SH3RF3: variants seen among roughly 807,000 people sequenced by gnomAD.
SH3RF3 encodes the protein SH3 domain containing ring finger 3, also known as E3 ubiquitin-protein ligase SH3RF3.
Under a neutral mutation model 66.3 loss-of-function variants are expected in SH3RF3, and 29 were observed. That is an observed-to-expected ratio of 0.44 (90% CI 0.33 to 0.60). The LOEUF (loss-of-function observed/expected upper bound fraction) is 0.60. Among genes scored for constraint, SH3RF3 ranks in the 20% least tolerant of loss-of-function variants. The probability of loss-of-function intolerance (pLI) is 0.04; values close to 1 mark genes in which losing one functional copy is unlikely to be tolerated. For missense variants in SH3RF3, 1,194 were observed against 1,190.9 expected (o/e 1.00, Z -0.04); for synonymous variants, 583 against 532.0 (o/e 1.10, Z -1.32).
intron 2 of SH3RF3, among the ~76,000 whole-genome samples, chr2:109,370,227 G>GTCTCTGTC (rs975009950): frequency 3.1e-5 from 3 of 96,642 alleles, no homozygotes; most frequent in African/African-American, 1.2e-4. Flanking sequence ...CTCTGTCTCT[G>GTCTCTGTC]TCTCTCTCTC....
intron 9 of SH3RF3, among the ~76,000 whole-genome samples, chr2:109,491,958 T>C (rs949216075): frequency 6.6e-6 from 1 of 152,178 alleles, no homozygotes; most frequent in African/African-American, 2.4e-5. Context: ...TCTATCTAGA[T>C]CAGAGGTCTA....
intron 2 of SH3RF3, among the ~76,000 whole-genome samples, chr2:109,369,724 C>T (rs1177358099): frequency 6.6e-6 from 1 of 152,132 alleles, no homozygotes; most frequent in Non-Finnish European, 1.5e-5. Flanking sequence ...TGTGTGATCC[C>T]ACATGGGCTG....
At position 109,502,566 on chromosome 2, in the gene SH3RF3, CTGGCGGGGTGGA is replaced by C. The variant is rs1679417776; in HGVS notation, c.*897_*908del. ...TCAGCGCTGGCCAGTACTCTGGGGG[CTGGCGGGGTGGA>C]TCCATTGAGGGGGTCGGAGGGAGCT... On this transcript the variant is annotated 3_prime_UTR_variant, in exon 10 of 10. Coordinates refer to ENST00000309415, the MANE Select transcript of SH3RF3 (RefSeq NM_001099289.3). The C allele has an allele frequency of 1.3e-5, 2 of 152,124 alleles. No individual in the cohort carries two copies. The highest frequency in any genetic ancestry group is 2.4e-5 in the African/African-American group (1 of 41,432). 9.4% of individuals were successfully genotyped at this position (152,124 alleles called of 1,614,324 possible).
At chr2:109,400,711 C>T (rs1676292037) in intron 4 of SH3RF3, among the ~76,000 whole-genome samples, 1 of 152,216 alleles carries the variant, frequency 6.6e-6, no homozygotes, top group African/African-American at 2.4e-5. Flanking sequence ...CATATGTGTG[C>T]ACACACACAA....
At chr2:109,449,616 G>C (rs1677809799) in intron 8 of SH3RF3, 127 bp downstream of exon 8, 5 of 1,221,100 alleles carry the variant, frequency 4.1e-6, no homozygotes, top group Admixed American at 2.7e-5. Context: ...CCTGCCCCTA[G>C]ATGAACCAGG....
rs113607731 is a variant in SH3RF3 at position 109,144,872 on chromosome 2, C to G, written c.573+14759C>G. On this transcript the variant is annotated intron_variant, in intron 1 of 9. Coordinates refer to ENST00000309415, the MANE Select transcript of SH3RF3 (RefSeq NM_001099289.3). Reference sequence around the variant, plus strand: ...CGGAAGGCATGGTGGGAATAGGCCTCGCTCAGCAAGCTTTGTTCCCAGAGC... The same window carrying G: ...CGGAAGGCATGGTGGGAATAGGCCTGGCTCAGCAAGCTTTGTTCCCAGAGC... Among the ~76,000 whole-genome samples, 1,446 of 152,362 alleles carry G rather than the reference C, an allele frequency of 9.5e-3. 14 individuals carry two copies. Among genetic ancestry groups the G allele is most frequent in the Non-Finnish European group, 0.014 (945 of 68,032 alleles).
intron 3 of SH3RF3, among the ~76,000 whole-genome samples, chr2:109,375,487 T>C (rs1683361095): frequency 6.6e-6 from 1 of 152,204 alleles, no homozygotes; most frequent in Non-Finnish European, 1.5e-5. Flanking sequence ...AACTCTAGTC[T>C]AGCGGATGGG....
intron 1 of SH3RF3, among the ~76,000 whole-genome samples, chr2:109,310,695 C>A (rs1681704607): frequency 1.5e-5 from 1 of 64,528 alleles, no homozygotes; most frequent in Non-Finnish European, 2.5e-5. Context: ...AAACTACCAT[C>A]AGAGAATACT....
intron 8 of SH3RF3, among the ~76,000 whole-genome samples, chr2:109,475,257 G>C (rs550196236): frequency 1.3e-5 from 2 of 152,330 alleles, no homozygotes; most frequent in South Asian, 4.1e-4. Flanking sequence ...GATTACAGGC[G>C]TGAGCCACCA....
chr2:109,297,743 G>A (rs940788647), intron 1 of SH3RF3, among the ~76,000 whole-genome samples: 2 of 150,388 alleles, frequency 1.3e-5, no homozygotes, highest in East Asian at 4.0e-4. Flanking sequence ...CACCAGGACA[G>A]TGTCCCTTAT....
chr2:109,279,595 G>A (rs1229672494), intron 1 of SH3RF3, among the ~76,000 whole-genome samples: 1 of 152,198 alleles, frequency 6.6e-6, no homozygotes, highest in Non-Finnish European at 1.5e-5. Context: ...GGGATTTCAA[G>A]GAAACGGGAT....
chr2:109,275,725 G>A (rs564238645), intron 1 of SH3RF3, among the ~76,000 whole-genome samples: 1 of 152,262 alleles, frequency 6.6e-6, no homozygotes, highest in East Asian at 1.9e-4. Flanking sequence ...GCTGTTTGCC[G>A]GGTACCCTTC....
intron 1 of SH3RF3, among the ~76,000 whole-genome samples, chr2:109,334,082 G>C (rs754998472): frequency 3.6e-4 from 55 of 152,294 alleles, no homozygotes; most frequent in Non-Finnish European, 5.4e-4. Context: ...CTCAAAACCA[G>C]GTTCAGAGGC....
At chr2:109,498,576 C>T (rs749642059) in intron 9 of SH3RF3, among the ~76,000 whole-genome samples, 1 of 152,182 alleles carries the variant, frequency 6.6e-6, no homozygotes, top group Admixed American at 6.5e-5. Flanking sequence ...GCACTCAGCT[C>T]GATTTTCAGA....
At chr2:109,376,712 G>T (rs988300734) in intron 3 of SH3RF3, among the ~76,000 whole-genome samples, 6 of 152,232 alleles carry the variant, frequency 3.9e-5, no homozygotes, top group Non-Finnish European at 8.8e-5. Context: ...GAAATTGGCT[G>T]CTCCCTGTGT....
intron 2 of SH3RF3, among the ~76,000 whole-genome samples, chr2:109,363,443 C>T (rs138020625): frequency 0.01 from 1,565 of 152,248 alleles, 15 homozygotes; most frequent in Non-Finnish European, 0.017. Context: ...AACACACACA[C>T]ATAAGCATAA....
intron 1 of SH3RF3, among the ~76,000 whole-genome samples, chr2:109,202,503 A>T (rs1455506756): frequency 6.6e-6 from 1 of 152,164 alleles, no homozygotes; most frequent in African/African-American, 2.4e-5. Flanking sequence ...TGTTCCTCAC[A>T]TGTCTGGGTA....
chr2:109,323,806 A>G (rs185212059), intron 1 of SH3RF3, among the ~76,000 whole-genome samples: 6 of 152,352 alleles, frequency 3.9e-5, no homozygotes, highest in Admixed American at 2.6e-4. Flanking sequence ...TAGGTCTCCA[A>G]ATATTTCAGA....
rs867329551 is a variant in SH3RF3 at position 109,357,050 on chromosome 2, C to T, written c.849+9101C>T. On this transcript the variant is annotated intron_variant, in intron 2 of 9. Coordinates refer to ENST00000309415, the MANE Select transcript of SH3RF3 (RefSeq NM_001099289.3). ...CTTGTCCATACTGGATAGACTGTTA[C>T]CTTTTTAAAATTTTTTTTTATTATG... Among the ~76,000 whole-genome samples the T allele has an allele frequency of 2.1e-4, 32 of 151,786 alleles. No individual in the cohort carries two copies. In the Middle Eastern group the frequency reaches 0.01, roughly 49 times the overall value.
Sources: allele counts gnomAD v4.1 joint callset (sites outside exome capture counted in the v4.1 genomes callset), GRCh38; gene constraint gnomAD v4.1.1; transcripts MANE v1.5; gene names NCBI Gene and HGNC (gene_info 2026-07-23, HGNC 2026-07-21).